Variants in SLC16A7 observed in about 807,000 individuals in gnomAD.
SLC16A7 encodes monocarboxylate transporter 2.
In SLC16A7, 33 loss-of-function variants were observed where a neutral mutation model predicts 34.9. That is an observed-to-expected ratio of 0.94 (90% CI 0.72 to 1.26). The LOEUF (loss-of-function observed/expected upper bound fraction) is 1.26. Ranked by LOEUF, SLC16A7 falls within the 50% of genes most tolerant of loss-of-function variation. The pLI is 0.00. For synonymous variants in SLC16A7, 201 were observed against 206.6 expected, an observed-to-expected ratio of 0.97 and a Z score of 0.23; for missense variants, 573 against 578.1, an observed-to-expected ratio of 0.99 and a Z score of 0.09.
chr12:59,778,979 A>G (rs1883021030), intron 5 of SLC16A7, among the ~76,000 whole-genome samples: 1 of 152,152 alleles, frequency 6.6e-6, no homozygotes, highest in Admixed American at 6.6e-5. Flanking sequence ...GTTAGGAACC[A>G]TGTAAAAGCC....
chr12:59,696,211 A>T, intron 2 of SLC16A7, among the ~76,000 whole-genome samples: 1 of 151,600 alleles, frequency 6.6e-6, no homozygotes, highest in East Asian at 1.9e-4. Flanking sequence ...ATTTTTTCTC[A>T]TGCGCATGTT....
chr12:59,705,091 G>C, intron 3 of SLC16A7, 73 bp downstream of exon 3: 1 of 1,049,320 alleles, frequency 9.5e-7, no homozygotes, highest in Non-Finnish European at 1.5e-6. Flanking sequence ...TTTACATGGA[G>C]TGTCTTGGTA....
intron 3 of SLC16A7, among the ~76,000 whole-genome samples, chr12:59,735,351 C>T (rs564282501): frequency 1.6e-4 from 24 of 152,140 alleles, no homozygotes; most frequent in Non-Finnish European, 3.2e-4. Flanking sequence ...TATCACTCTT[C>T]AGATGAAAGG....
At chr12:59,645,937 G>A (rs553042974) in intron 1 of SLC16A7, among the ~76,000 whole-genome samples, 17 of 152,284 alleles carry the variant, frequency 1.1e-4, no homozygotes, top group African/African-American at 4.1e-4. Flanking sequence ...AAAGAGACCA[G>A]CAGCATTTTG....
chr12:59,767,062 G>C (rs1023663993), intron 3 of SLC16A7, among the ~76,000 whole-genome samples: 2 of 129,318 alleles, frequency 1.5e-5, no homozygotes, highest in East Asian at 2.1e-4. Context: ...AGTCTTGCGA[G>C]GGTGTATGTG....
intron 1 of SLC16A7, among the ~76,000 whole-genome samples, chr12:59,647,637 G>T (rs1868269542): frequency 6.6e-6 from 1 of 152,166 alleles, no homozygotes; most frequent in Non-Finnish European, 1.5e-5. Context: ...CACCTTCACT[G>T]CAGAAGCAGA....
At chr12:59,601,177 C>G (rs1878665150) in intron 1 of SLC16A7, among the ~76,000 whole-genome samples, 1 of 152,082 alleles carries the variant, frequency 6.6e-6, no homozygotes, top group Admixed American at 6.5e-5. Context: ...TAAGCATTTG[C>G]TGTTTCTCCA....
chr12:59,750,796 A>T (rs1879434384), intron 3 of SLC16A7, among the ~76,000 whole-genome samples: 1 of 152,200 alleles, frequency 6.6e-6, no homozygotes, highest in African/African-American at 2.4e-5. Context: ...AATAGCAAAG[A>T]CTTGCAACCA....
At chr12:59,692,386 C>T (rs1024661511) in intron 2 of SLC16A7, among the ~76,000 whole-genome samples, 1 of 151,876 alleles carries the variant, frequency 6.6e-6, no homozygotes, top group African/African-American at 2.4e-5. Context: ...TGGCATTCAC[C>T]CTATTATAAC....
Position 59,781,961 on chromosome 12 carries a change from T to C in SLC16A7, c.*2282T>C, listed in dbSNP as rs941668923. On this transcript the variant is annotated 3_prime_UTR_variant, in exon 6 of 6. Transcript: ENST00000547379. ...AGACATCCTCCTGGGTGCATTTCAG[T>C]GGCCTTCTCCAGGGAGGAGGTTTAT... 3.3e-5 allele frequency: 5 copies of C among 152,214 alleles called. No individual in the cohort carries two copies. Among genetic ancestry groups the C allele is most frequent in the African/African-American group, 9.6e-5 (4 of 41,462 alleles). 9.4% of individuals were successfully genotyped at this position (152,214 alleles called of 1,614,324 possible). A position where few individuals can be genotyped will look rare whatever the true frequency, so the allele number is the denominator to read the frequency against.
chr12:59,783,257 G>A lies in SLC16A7; in HGVS notation c.*3578G>A, dbSNP rs1883372163. The A allele has an allele frequency of 6.6e-6, 1 of 152,080 alleles. No homozygotes were observed. Among genetic ancestry groups the A allele is most frequent in the Non-Finnish European group, 1.5e-5 (1 of 68,006 alleles). 9.4% of individuals were successfully genotyped at this position (152,080 alleles called of 1,614,324 possible). A position where few individuals can be genotyped will look rare whatever the true frequency, so the allele number is the denominator to read the frequency against. ...ATTTAATAGGGAGATTGGATGCATA[G>A]TGGAAAGGGAACTAATATTTATATG... is the stretch of plus-strand genomic sequence containing the variant. On this transcript the variant is annotated 3_prime_UTR_variant, in exon 6 of 6. Transcript: ENST00000547379.
At chr12:59,679,437 C>T (rs551993387) in intron 2 of SLC16A7, among the ~76,000 whole-genome samples, 228 of 152,320 alleles carry the variant, frequency 1.5e-3, no homozygotes, top group Non-Finnish European at 2.1e-3. Context: ...CTCCCAATTT[C>T]ACCCTACCTG....
chr12:59,647,029 G>A (rs1868259388), intron 1 of SLC16A7, among the ~76,000 whole-genome samples: 3 of 152,150 alleles, frequency 2.0e-5, no homozygotes, highest in South Asian at 4.1e-4. Context: ...GATTTTACAG[G>A]TTCACAGACA....
At chr12:59,719,120 T>C (rs144235095) in intron 3 of SLC16A7, among the ~76,000 whole-genome samples, 1,723 of 152,278 alleles carry the variant, frequency 0.011, 14 homozygotes, top group Non-Finnish European at 0.018. Context: ...TATAACACAA[T>C]AGGTGCACAA....
intron 1 of SLC16A7, among the ~76,000 whole-genome samples, chr12:59,646,957 A>G (rs1398006559): frequency 6.6e-6 from 1 of 152,150 alleles, no homozygotes; most frequent in Non-Finnish European, 1.5e-5. Flanking sequence ...TCCATTTGGA[A>G]TGGGTGTATA....
rs1303351530 is a variant in SLC16A7 at position 59,704,806 on chromosome 12, C to T, written c.5C>T (p.Pro2Leu). The change falls in exon 3 of 6, where the codon CCA becomes CTA. Residue 2 changes from proline to leucine, a missense_variant. Physicochemically the swap from Pro to Leu is moderately conservative, Grantham distance 98. Transcript: ENST00000547379. M[P>L]PMPSAPPVHP... The stretch of plus-strand genomic sequence containing the variant: ...ATTTCCACTAGAGGAGCAGAAATGC[C>T]ACCAATGCCAAGTGCCCCACCTGTG... 2 of 1,611,288 alleles carry T rather than the reference C, an allele frequency of 1.2e-6. No individual in the cohort carries two copies. The highest frequency in any genetic ancestry group is 2.7e-5 in the African/African-American group (2 of 74,800).
Position 59,600,029 on chromosome 12 carries a change from C to A in SLC16A7, c.-130+3793C>A, listed in dbSNP as rs370499606. Among the ~76,000 whole-genome samples, 90 of 152,238 alleles carry A rather than the reference C, an allele frequency of 5.9e-4. No homozygotes were observed. In the South Asian group the frequency reaches 0.013, roughly 21 times the overall value. Reference sequence around the variant, plus strand: ...GTCTGGGTTTTGATTTTAGCTTTGCCACTTATCAACAAAGACAAGTTGCTA... The same window carrying A: ...GTCTGGGTTTTGATTTTAGCTTTGCAACTTATCAACAAAGACAAGTTGCTA... On this transcript the variant is annotated intron_variant, in intron 1 of 5. Coordinates refer to ENST00000547379, the MANE Select transcript of SLC16A7 (RefSeq NM_001270623.2).
intron 3 of SLC16A7, among the ~76,000 whole-genome samples, chr12:59,710,276 C>T (rs1300656099): frequency 6.6e-6 from 1 of 152,152 alleles, no homozygotes. Flanking sequence ...AGAGCATGTT[C>T]ATTTTTCTCA....
intron 2 of SLC16A7, among the ~76,000 whole-genome samples, chr12:59,674,809 T>C (rs981005439): frequency 1.3e-5 from 2 of 152,332 alleles, no homozygotes; most frequent in Admixed American, 1.3e-4. Context: ...GAAGTCATGC[T>C]ACAAAGATAG....
Sources: gnomAD v4.1 joint callset for allele counts (sites outside exome capture counted in the v4.1 genomes callset) on GRCh38, gnomAD v4.1.1 for gene constraint, MANE v1.5 for transcripts, NCBI Gene and HGNC (gene_info 2026-07-23, HGNC 2026-07-21) for gene names.